TRIM73: variants seen among roughly 807,000 people sequenced by gnomAD.
The protein encoded by TRIM73 is tripartite motif-containing protein 73.
For missense variants in TRIM73, 17 were observed against 272.5 expected (o/e 0.06, Z 6.60); for synonymous variants, 8 against 115.4 (o/e 0.07, Z 5.97).
chr7:75,402,414 C>T (rs1332817913), intron 2 of TRIM73: 3 of 124,592 alleles, frequency 2.4e-5, no homozygotes, highest in East Asian at 4.7e-4. Flanking sequence ...TTTTTTGAGA[C>T]GGAGTCTCGC....
chr7:75,405,039 C>T (rs150021451), exon 4 of TRIM73: 35 of 1,613,506 alleles, frequency 2.2e-5, no homozygotes, highest in East Asian at 1.1e-4. Flanking sequence ...TGGAACAGTT[C>T]GGCAATGAGG....
chr7:75,399,452 CCCTGG>C, intron 2 of TRIM73, 120 bp downstream of exon 2: 1 of 308,300 alleles, frequency 3.2e-6, no homozygotes, highest in South Asian at 2.3e-5. Flanking sequence ...TGCAGCCCTG[CCCTGG>C]CGCATTCATT....
intron 1 of TRIM73, among the ~76,000 whole-genome samples, 154 bp downstream of exon 1, chr7:75,395,964 G>C (rs1411143632): frequency 8.3e-6 from 1 of 120,030 alleles, no homozygotes; most frequent in Non-Finnish European, 1.9e-5. Flanking sequence ...AGCACTTTTG[G>C]AACACGTGAG....
At position 75,398,674 on chromosome 7, in the gene TRIM73, GACAC is replaced by G. The variant is rs782221258; in HGVS notation, c.-18-213_-18-210del. ...TCTCCAAATTTGAGTAAAAAATGTA[GACAC>G]ACACACACACACACACACACACACA... On this transcript the variant is annotated intron_variant, in intron 1 of 4. Transcript: ENST00000323819. Among the ~76,000 whole-genome samples the G allele has an allele frequency of 1.2e-3, 42 of 36,308 alleles. 8 individuals are homozygous for G. Among genetic ancestry groups the G allele is most frequent in the East Asian group, 3.6e-3 (2 of 554 alleles). The allele number at this position is 36,308 out of a possible 152,430, so 23.8% of individuals were successfully genotyped here. A position where few individuals can be genotyped will look rare whatever the true frequency, so the allele number is the denominator to read the frequency against.
intron 2 of TRIM73, among the ~76,000 whole-genome samples, chr7:75,401,312 C>A (rs1788988300): frequency 1.3e-5 from 1 of 78,786 alleles, no homozygotes; most frequent in Non-Finnish European, 2.4e-5. Context: ...GATTGTCTGT[C>A]CTTTGTAGTT....
chr7:75,399,361 C>CT, intron 2 of TRIM73, 29 bp downstream of exon 2: 5 of 450,012 alleles, frequency 1.1e-5, no homozygotes, highest in South Asian at 2.2e-5. Context: ...GGCGGGGCGG[C>CT]GGGGCCCGCG....
At chr7:75,402,357 C>A (rs1789012520) in intron 2 of TRIM73, 2 of 109,794 alleles carry the variant, frequency 1.8e-5, no homozygotes, top group South Asian at 3.3e-4. Flanking sequence ...CCCTCTTATG[C>A]CTGGGAAGTT....
At chr7:75,396,202 C>CTGAT (rs1247965597) in intron 1 of TRIM73, among the ~76,000 whole-genome samples, 5,433 of 150,126 alleles carry the variant, frequency 0.036, no homozygotes, top group Middle Eastern at 0.073. Flanking sequence ...AGACAAGACA[C>CTGAT]TGATTGATTG....
intron 2 of TRIM73, 77 bp downstream of exon 2, chr7:75,399,409 C>CA: frequency 2.6e-6 from 1 of 377,854 alleles, no homozygotes. Flanking sequence ...TATCAACTGG[C>CA]ACCAAAACGG....
intron 1 of TRIM73, among the ~76,000 whole-genome samples, chr7:75,396,230 C>T (rs1788867945): frequency 1.3e-5 from 2 of 152,198 alleles, no homozygotes; most frequent in Non-Finnish European, 2.9e-5. Context: ...GATTGATTGA[C>T]AGAGGCTCGC....
At chr7:75,404,945 C>T (rs2116257122) in exon 4 of TRIM73, 1 of 1,596,974 alleles carries the variant, frequency 6.3e-7, no homozygotes. Flanking sequence ...GGGGGTCACA[C>T]CCGTGGCCTG....
chr7:75,401,309 T>C (rs1398978530), intron 2 of TRIM73, among the ~76,000 whole-genome samples: 4 of 78,108 alleles, frequency 5.1e-5, no homozygotes, highest in Admixed American at 4.2e-4. Flanking sequence ...GGAGATTGTC[T>C]GTCCTTTGTA....
chr7:75,401,319 A>G (rs1788988540), intron 2 of TRIM73, among the ~76,000 whole-genome samples: 1 of 82,070 alleles, frequency 1.2e-5, no homozygotes, highest in African/African-American at 5.4e-5. Flanking sequence ...TGTCCTTTGT[A>G]GTTAGGATCC....
chr7:75,398,850 T>TG, intron 1 of TRIM73, 66 bp from the exon 2 acceptor site: 3 of 1,574,712 alleles, frequency 1.9e-6, no homozygotes, highest in Non-Finnish European at 2.6e-6. Flanking sequence ...GGGTTGAGGG[T>TG]GGTGGGTGAG....
exon 4 of TRIM73, chr7:75,405,005 G>A (rs201374916): frequency 1.6e-5 from 26 of 1,612,662 alleles, no homozygotes; most frequent in African/African-American, 2.7e-5. Context: ...ACCCGGGAGC[G>A]GCTGGCCCAA....
Position 75,401,369 on chromosome 7 carries a change from A to T in TRIM73, c.399+2037A>T, listed in dbSNP as rs2116249212. On this transcript the variant is annotated intron_variant, in intron 2 of 4. Transcript: ENST00000323819. ...GGTCCCTGTTTTAGATTTGGGCTTA[A>T]TTTTTTTTTTTTTTGGTAGAGACAG... Among the ~76,000 whole-genome samples, 2 of 100,768 alleles carry T rather than the reference A, an allele frequency of 2.0e-5. 1 individual carries two copies. Among genetic ancestry groups the T allele is most frequent in the East Asian group, 8.8e-4 (2 of 2,270 alleles). The allele number at this position is 100,768 out of a possible 152,430, so 66.1% of individuals were successfully genotyped here.
intron 1 of TRIM73, among the ~76,000 whole-genome samples, chr7:75,396,220 G>T (rs1225880191): frequency 6.6e-6 from 1 of 152,308 alleles, no homozygotes; most frequent in African/African-American, 2.4e-5. Flanking sequence ...TTGATTGATT[G>T]ATTGATTGAC....
Position 75,398,960 on chromosome 7 carries a change from GC to G in TRIM73, c.28del (p.Leu10TrpfsTer18). The G allele has an allele frequency of 6.2e-7, 1 of 1,614,138 alleles. No individual in the cohort carries two copies. Among genetic ancestry groups the G allele is most frequent in the Non-Finnish European group, 8.5e-7 (1 of 1,180,028 alleles). ...TGGCTTGGCAGGTGAGCCTGCTGGA[GC>G]TGGAGGACCGGCTTCAGTGTCCCAT... is the stretch of plus-strand genomic sequence containing the variant. On this transcript the variant is annotated frameshift_variant, in exon 2 of 5. Coordinates refer to ENST00000323819, the Ensembl canonical transcript of TRIM73. LOFTEE classifies it high-confidence loss of function.
intron 1 of TRIM73, among the ~76,000 whole-genome samples, 174 bp from the exon 2 acceptor site, chr7:75,398,740 CTT>C (rs1788925322): frequency 1.2e-5 from 1 of 84,166 alleles, no homozygotes; most frequent in South Asian, 5.2e-4. Flanking sequence ...TCACTGCAGT[CTT>C]TTGTTTTACA....
Sources: allele counts gnomAD v4.1 joint callset (sites outside exome capture counted in the v4.1 genomes callset), GRCh38; gene constraint gnomAD v4.1.1; transcripts MANE v1.5; gene names NCBI Gene and HGNC (gene_info 2026-07-23, HGNC 2026-07-21).